Variants in TNIP3 observed in about 807,000 individuals in gnomAD.
TNIP3 encodes TNFAIP3 interacting protein 3, also known as TNFAIP3-interacting protein 3.
In TNIP3, 34 loss-of-function variants were observed where a neutral mutation model predicts 54.1. The observed-to-expected ratio is 0.63, with a 90% CI of 0.48 to 0.84. The LOEUF (loss-of-function observed/expected upper bound fraction) is 0.84, where lower values mean the gene tolerates loss of function less well. TNIP3 is among the 40% of genes least tolerant of loss of function. The probability of loss-of-function intolerance (pLI) is 0.00; values close to 1 mark genes in which losing one functional copy is unlikely to be tolerated. For missense variants in TNIP3, 366 were observed against 387.6 expected (o/e 0.94, Z 0.47); for synonymous variants, 134 against 136.8 (o/e 0.98, Z 0.14).
chr4:121,200,369 A>G (rs1560688596), intron 2 of TNIP3, among the ~76,000 whole-genome samples: 1 of 152,190 alleles, frequency 6.6e-6, no homozygotes, highest in Non-Finnish European at 1.5e-5. Flanking sequence ...TAGGGCCCTC[A>G]GTAGACTTTA....
intron 1 of TNIP3, among the ~76,000 whole-genome samples, chr4:121,224,236 G>A (rs911273122): frequency 2.0e-5 from 3 of 152,010 alleles, no homozygotes; most frequent in Admixed American, 6.6e-5. Flanking sequence ...GGTGGTGGGC[G>A]CCTGTAATCC....
At chr4:121,203,216 T>TATAGATAGATAGATAGATAGATAG (rs148903658) in intron 2 of TNIP3, among the ~76,000 whole-genome samples, 1 of 146,964 alleles carries the variant, frequency 6.8e-6, no homozygotes, top group Non-Finnish European at 1.5e-5. Context: ...GAAAATGTGA[T>TATAGATAGATAGATAGATAGATAG]ATAGATAGAT....
intron 3 of TNIP3, among the ~76,000 whole-genome samples, chr4:121,175,051 A>G (rs1360394283): frequency 2.0e-5 from 3 of 152,236 alleles, no homozygotes; most frequent in African/African-American, 7.2e-5. Context: ...TCAAGAATAT[A>G]ATGAACACAT....
intron 3 of TNIP3, among the ~76,000 whole-genome samples, chr4:121,169,933 C>T (rs1396180765): frequency 6.6e-6 from 1 of 152,202 alleles, no homozygotes; most frequent in Non-Finnish European, 1.5e-5. Context: ...ACATCAGATA[C>T]ATTAGAAGGC....
Position 121,222,804 on chromosome 4 carries a change from G to GTTTTTTT in TNIP3, c.3+4574_3+4580dup, listed in dbSNP as rs138758827. 9.5e-3 allele frequency among the ~76,000 whole-genome samples: 1,001 copies of GTTTTTTT among 105,738 alleles called. 67 individuals are homozygous for GTTTTTTT. Among genetic ancestry groups the GTTTTTTT allele is most frequent in the African/African-American group, 0.036 (956 of 26,432 alleles). The allele number at this position is 105,738 out of a possible 152,430, so 69.4% of individuals were successfully genotyped here. ...GTGGAGCTGAGGGTGTTTTTTGTGCGTTTTTTTTTTTTTTTTTTTGAGACG... is the reference window on the plus strand; with the variant it reads ...GTGGAGCTGAGGGTGTTTTTTGTGCGTTTTTTTTTTTTTTTTTTTTTTTTTTGAGACG... On this transcript the variant is annotated intron_variant, in intron 1 of 12. Transcript: ENST00000509841.
At chr4:121,149,373 C>T (rs972062371) in intron 6 of TNIP3, among the ~76,000 whole-genome samples, 2 of 152,214 alleles carry the variant, frequency 1.3e-5, no homozygotes, top group Admixed American at 6.5e-5. Flanking sequence ...TGAAACTGCT[C>T]TTATTGTGCG....
Position 121,154,571 on chromosome 4 carries a change from C to T in TNIP3, c.472G>A (p.Glu158Lys). 6.2e-7 allele frequency: 1 copy of T among 1,613,776 alleles called. No individual in the cohort carries two copies. The highest frequency in any genetic ancestry group is 8.5e-7 in the Non-Finnish European group (1 of 1,179,940). ...ANKEKEHYEC[E>K]IKRLNKALQD... is the part of the protein sequence containing the mutation. ...GATACCTTATTGAGGCGTTTTATTT[C>T]ACATTCGTAATGTTCCTTTTCCTTG... Residue 158 changes from glutamate (E) to lysine (K), a missense_variant, in exon 5 of 11, where the codon GAA (glutamate) becomes AAA (lysine). Physicochemically the swap from Glu to Lys is moderately conservative, Grantham distance 56. Transcript: ENST00000057513.
intron 3 of TNIP3, among the ~76,000 whole-genome samples, chr4:121,175,993 GT>G (rs996058442): frequency 1.3e-5 from 2 of 152,158 alleles, no homozygotes; most frequent in African/African-American, 4.8e-5. Flanking sequence ...TTCATGTAGA[GT>G]GGAATCCTTT....
chr4:121,187,535 G>T (rs112266194), intron 2 of TNIP3, among the ~76,000 whole-genome samples: 1 of 152,186 alleles, frequency 6.6e-6, no homozygotes, highest in African/African-American at 2.4e-5. Context: ...CTCAGCCATT[G>T]TTAATAAAGA....
intron 9 of TNIP3, 103 bp downstream of exon 9, chr4:121,141,713 A>G (rs1352650586): frequency 2.8e-6 from 2 of 725,952 alleles, no homozygotes; most frequent in Non-Finnish European, 4.0e-6. Context: ...GAGAAAACAG[A>G]GGCTCTTGCT....
intron 3 of TNIP3, among the ~76,000 whole-genome samples, chr4:121,172,159 G>A (rs1163493713): frequency 6.6e-6 from 1 of 152,208 alleles, no homozygotes; most frequent in Non-Finnish European, 1.5e-5. Flanking sequence ...GCCTTGAAGA[G>A]AATTTCTCCA....
intron 3 of TNIP3, among the ~76,000 whole-genome samples, chr4:121,179,498 A>G (rs1458352407): frequency 6.6e-6 from 1 of 152,216 alleles, no homozygotes; most frequent in Non-Finnish European, 1.5e-5. Context: ...TGTATATATG[A>G]TGCAAAGGCA....
chr4:121,184,161 T>A (rs1724874320), intron 2 of TNIP3, among the ~76,000 whole-genome samples: 1 of 152,158 alleles, frequency 6.6e-6, no homozygotes, highest in Admixed American at 6.5e-5. Context: ...ATATGTATAT[T>A]TTTTTGCCTG....
intron 3 of TNIP3, among the ~76,000 whole-genome samples, chr4:121,171,700 G>A (rs1466049812): frequency 6.6e-6 from 1 of 152,088 alleles, no homozygotes; most frequent in Non-Finnish European, 1.5e-5. Context: ...TTCTCATGAG[G>A]AAATGGAGCC....
chr4:121,175,502 T>C (rs1333655455), intron 3 of TNIP3, among the ~76,000 whole-genome samples: 1 of 152,184 alleles, frequency 6.6e-6, no homozygotes, highest in African/African-American at 2.4e-5. Flanking sequence ...TTGACCCAAA[T>C]TGGAGCAGCC....
At chr4:121,166,695 A>G (rs1730785064), upstream of TNIP3, among the ~76,000 whole-genome samples, 1 of 152,244 alleles carries the variant, frequency 6.6e-6, no homozygotes, top group Non-Finnish European at 1.5e-5. Context: ...AAATTAGTCC[A>G]AGAGGAGAGT....
intron 3 of TNIP3, chr4:121,182,662 A>G: frequency 6.5e-7 from 1 of 1,533,720 alleles, no homozygotes; most frequent in Non-Finnish European, 8.7e-7. Context: ...AGGAGAAAAA[A>G]GGTGTTTTCT....
intron 3 of TNIP3, among the ~76,000 whole-genome samples, chr4:121,171,993 A>G (rs1723987282): frequency 6.6e-6 from 1 of 152,130 alleles, no homozygotes; most frequent in Admixed American, 6.5e-5. Flanking sequence ...TCAGCCTCCC[A>G]AAGTTCTGGG....
chr4:121,147,326 C>A (rs1311324240), intron 6 of TNIP3, 152 bp from the exon 7 acceptor site: 7 of 888,848 alleles, frequency 7.9e-6, no homozygotes, highest in Non-Finnish European at 3.2e-6. Context: ...AGTCATCCAT[C>A]CCTAACACAA....
Sources: gnomAD v4.1 joint callset for allele counts (sites outside exome capture counted in the v4.1 genomes callset) on GRCh38, gnomAD v4.1.1 for gene constraint, MANE v1.5 for transcripts, NCBI Gene and HGNC (gene_info 2026-07-23, HGNC 2026-07-21) for gene names.